BANP: variants seen among roughly 807,000 people sequenced by gnomAD.
BANP encodes BTG3 associated nuclear protein, also known as protein BANP.
In BANP, 11 loss-of-function variants were observed where a neutral mutation model predicts 68.1. That is an observed-to-expected ratio of 0.16 (90% CI 0.10 to 0.27). The LOEUF (loss-of-function observed/expected upper bound fraction) is 0.27, where lower values mean the gene tolerates loss of function less well. Ranked by LOEUF, BANP falls within the 10% of genes least tolerant of loss-of-function variation. BANP has a pLI of 1.00. For missense variants in BANP, 504 were observed against 722.7 expected (o/e 0.70, Z 3.47); for synonymous variants, 329 against 303.2 (o/e 1.09, Z -0.88).
At position 87,984,041 on chromosome 16, in the gene BANP, G is replaced by C. The variant is rs779325471; in HGVS notation, c.163-19G>C. On this transcript the variant is annotated intron_variant, in intron 3 of 13. Coordinates refer to ENST00000682872, the MANE Select transcript of BANP (RefSeq NM_001386991.1). The stretch of plus-strand genomic sequence containing the variant: ...AGTTCAGGAGACCCTTCCTAAAGCC[G>C]GTCTTTTTTCACTTCCAGTCATTCC... The C allele has an allele frequency of 5.0e-6, 8 of 1,613,320 alleles. No individual in the cohort carries two copies. The African/African-American group carries it at 5.3e-5, about 11-fold the overall frequency.
chr16:87,967,950 C>G (rs2060375737), intron 1 of BANP, among the ~76,000 whole-genome samples: 1 of 150,246 alleles, frequency 6.7e-6, no homozygotes, highest in Non-Finnish European at 1.5e-5. Flanking sequence ...AAGACAGGTT[C>G]ACCGTGTTGG....
intron 6 of BANP, among the ~76,000 whole-genome samples, chr16:88,015,850 C>T (rs530267249): frequency 1.6e-4 from 24 of 152,242 alleles, no homozygotes; most frequent in Non-Finnish European, 3.1e-4. Context: ...GCCTGGCTGG[C>T]CTGGGCTGGG....
At chr16:87,966,760 G>A (rs949238566) in intron 1 of BANP, 2 of 152,280 alleles carry the variant, frequency 1.3e-5, no homozygotes, top group Admixed American at 1.3e-4. Flanking sequence ...TGGACCCGGG[G>A]CTGTTTGTGG....
chr16:88,060,636 G>C (rs954126744), intron 11 of BANP, among the ~76,000 whole-genome samples: 1 of 152,232 alleles, frequency 6.6e-6, no homozygotes, highest in Non-Finnish European at 1.5e-5. Context: ...GCACGTGGAG[G>C]TGGCCTCTTT....
intron 13 of BANP, among the ~76,000 whole-genome samples, 156 bp from the exon 14 acceptor site, chr16:88,076,434 A>C (rs915051128): frequency 5.9e-5 from 9 of 152,158 alleles, no homozygotes; most frequent in Non-Finnish European, 1.0e-4. Context: ...GGCGTTGTGT[A>C]CCAAGTCGGG....
At chr16:87,983,021 C>T (rs1365555756) in intron 3 of BANP, among the ~76,000 whole-genome samples, 4 of 152,192 alleles carry the variant, frequency 2.6e-5, no homozygotes. Flanking sequence ...GCGAGCTCCA[C>T]GGCCCGCTCT....
At chr16:88,075,899 G>A (rs112569215) in intron 13 of BANP, among the ~76,000 whole-genome samples, 35,467 of 151,576 alleles carry the variant, frequency 0.23, 4,483 homozygotes, top group East Asian at 0.47. Flanking sequence ...GGTGTGCACC[G>A]CCACACCGGC....
chr16:88,024,991 A>G (rs748871352), intron 7 of BANP, among the ~76,000 whole-genome samples: 1 of 152,136 alleles, frequency 6.6e-6, no homozygotes, highest in African/African-American at 2.4e-5. Flanking sequence ...TAAATTTTGT[A>G]TGGACTCATT....
At chr16:88,014,704 C>T (rs1250646891) in intron 6 of BANP, among the ~76,000 whole-genome samples, 3 of 152,018 alleles carry the variant, frequency 2.0e-5, no homozygotes. Context: ...GGTCCTGCAT[C>T]ACCCACATCC....
chr16:88,017,874 A>G (rs1265404237), intron 6 of BANP, among the ~76,000 whole-genome samples: 2 of 152,222 alleles, frequency 1.3e-5, no homozygotes, highest in Non-Finnish European at 2.9e-5. Flanking sequence ...TGCCCTGAGA[A>G]TGCTGGCGTC....
At chr16:88,070,063 A>G (rs1262435056) in intron 12 of BANP, among the ~76,000 whole-genome samples, 1 of 152,190 alleles carries the variant, frequency 6.6e-6, no homozygotes, top group Non-Finnish European at 1.5e-5. Context: ...AATAGCAGCC[A>G]TATTTCCTCT....
intron 1 of BANP, among the ~76,000 whole-genome samples, chr16:87,965,784 G>A (rs1385028281): frequency 6.6e-6 from 1 of 152,204 alleles, no homozygotes. Context: ...AAGATTTGAT[G>A]TAGTTGGCCT....
At chr16:87,983,685 G>T (rs116046284) in intron 3 of BANP, among the ~76,000 whole-genome samples, 2,874 of 150,798 alleles carry the variant, frequency 0.019, 101 homozygotes, top group African/African-American at 0.066. Flanking sequence ...TTTATGCTGT[G>T]TCGATGTTAG....
chr16:87,979,145 G>A (rs567584788), intron 2 of BANP, among the ~76,000 whole-genome samples: 2 of 152,150 alleles, frequency 1.3e-5, no homozygotes, highest in African/African-American at 4.8e-5. Flanking sequence ...ATCATCTAGT[G>A]TGTACAGGCT....
At chr16:88,046,124 G>T (rs766694018) in intron 11 of BANP, among the ~76,000 whole-genome samples, 2 of 152,252 alleles carry the variant, frequency 1.3e-5, no homozygotes, top group Non-Finnish European at 2.9e-5. Context: ...GCTTTACCCT[G>T]TGCACATACG....
intron 1 of BANP, among the ~76,000 whole-genome samples, chr16:87,961,407 G>GC (rs149889657): frequency 0.037 from 4,402 of 117,636 alleles, 464 homozygotes; most frequent in African/African-American, 0.11. Flanking sequence ...CACAGAATCT[G>GC]CACCCCCCCG....
intron 8 of BANP, 150 bp downstream of exon 8, chr16:88,027,800 G>C: frequency 3.2e-6 from 3 of 948,754 alleles, no homozygotes; most frequent in Non-Finnish European, 4.6e-6. Context: ...CGGAGCAGTG[G>C]AGCCGCAGGA....
At chr16:87,994,436 A>G (rs2066677271) in intron 4 of BANP, among the ~76,000 whole-genome samples, 1 of 152,258 alleles carries the variant, frequency 6.6e-6, no homozygotes, top group South Asian at 2.1e-4. Flanking sequence ...GCCAATTGCC[A>G]GAAGCTAGAA....
rs540115391 is a variant in BANP, at chr16:88,072,431, C to T, written c.1521+219C>T. ...CCCCAGTTCCAAATTCCAACTGATT[C>T]TTGAGACTGTCTTGTGGAAATGTTT... On this transcript the variant is annotated intron_variant, in intron 13 of 13. Coordinates refer to ENST00000682872, the MANE Select transcript of BANP (RefSeq NM_001386991.1). Among the ~76,000 whole-genome samples the T allele has an allele frequency of 8.5e-5, 13 of 152,368 alleles. No individual in the cohort carries two copies. The East Asian group carries it at 2.5e-3, about 29-fold the overall frequency.
Sources: allele counts gnomAD v4.1 joint callset (sites outside exome capture counted in the v4.1 genomes callset), GRCh38; gene constraint gnomAD v4.1.1; transcripts MANE v1.5; gene names NCBI Gene and HGNC (gene_info 2026-07-23, HGNC 2026-07-21).